TEAD3: variants seen among roughly 807,000 people sequenced by gnomAD.
TEAD3 encodes the protein transcriptional enhancer factor TEF-5.
A neutral mutation model predicts 55.6 loss-of-function variants in TEAD3; 15 were observed. The observed-to-expected ratio is 0.27, with a 90% CI of 0.18 to 0.42. The LOEUF is 0.42. Among genes scored for constraint, TEAD3 ranks in the 10% least tolerant of loss-of-function variants. TEAD3 has a pLI of 1.00. For missense variants in TEAD3, 407 were observed against 576.8 expected (o/e 0.71, Z 3.01); for synonymous variants, 210 against 232.2 (o/e 0.90, Z 0.87).
Position 35,475,993 on chromosome 6 carries a change from G to A in TEAD3, c.826C>T (p.Pro276Ser), listed in dbSNP as rs771039369. 10 of 1,564,612 alleles carry A rather than the reference G, an allele frequency of 6.4e-6. No individual in the cohort carries two copies. The highest frequency in any genetic ancestry group is 1.2e-5 in the South Asian group (1 of 83,704). Reference sequence around the variant, plus strand: ...TCCTTCAATCCTCCCTTTTTCTCGGGGAATTTGTCATAGATCTGGCGCACA... The same window carrying A: ...TCCTTCAATCCTCCCTTTTTCTCGGAGAATTTGTCATAGATCTGGCGCACA... The change falls in exon 10 of 13, where the codon CCC becomes TCC. Residue 276 changes from proline (P) to serine (S), a missense_variant. Pro to Ser is a moderately conservative substitution (Grantham distance 74). Transcript: ENST00000639578. The surrounding 1 kb of genome is among the most constrained non-coding windows in gnomAD (Gnocchi z 5.4).
rs534069773 is a variant in TEAD3, at chr6:35,493,381, C to A, written c.-50+3517G>T. Among the ~76,000 whole-genome samples the A allele has an allele frequency of 2.6e-5, 4 of 152,238 alleles. No homozygotes were observed. The South Asian group carries it at 8.3e-4, about 32-fold the overall frequency. ...CCCACAGAGCCTCCTACACGCCCTG[C>A]CTGGCACAGCCCTGGGGGTGTCACC... On this transcript the variant is annotated intron_variant, in intron 1 of 12. Coordinates refer to ENST00000639578, the Ensembl canonical transcript of TEAD3.
Position 35,490,550 on chromosome 6 carries a change from G to A in TEAD3, c.-49-3839C>T, listed in dbSNP as rs1344424618. On this transcript the variant is annotated intron_variant, in intron 1 of 12. Coordinates refer to ENST00000639578, the Ensembl canonical transcript of TEAD3. ...AGAGGGGCTGTGCGAGTGCTCGGGA[G>A]GACAACCACGTGAGAATGTGCACCC... is the stretch of plus-strand genomic sequence containing the variant. Among the ~76,000 whole-genome samples, 7 of 152,198 alleles carry A rather than the reference G, an allele frequency of 4.6e-5. No individual in the cohort carries two copies. The South Asian group carries it at 1.2e-3, about 27-fold the overall frequency.
chr6:35,479,249 T>C (rs1345916776), intron 5 of TEAD3, 56 bp downstream of exon 5: 30 of 1,597,530 alleles, frequency 1.9e-5, no homozygotes, highest in Admixed American at 3.3e-5. Flanking sequence ...GAAAATCCTG[T>C]ATTAGGTGTT....
exon 6 of TEAD3, chr6:35,478,468 G>A: frequency 6.2e-7 from 1 of 1,613,062 alleles, no homozygotes; most frequent in Non-Finnish European, 8.5e-7. Context: ...CTGGGGCAGA[G>A]GGGAAGGTGG....
rs1768120736 is a variant in TEAD3, at chr6:35,475,357, C to T, written c.1173G>A (p.Leu391=). The change falls in exon 12 of 13, where the codon CTG becomes CTA. Residue 391 remains leucine, a synonymous_variant. Coordinates refer to ENST00000639578, the Ensembl canonical transcript of TEAD3. The surrounding 1 kb of genome is among the most constrained non-coding windows in gnomAD (Gnocchi z 5.4). ...ATACCTGCAGGATGGTGAAGTTCTC[C>T]AGCACGCTGTTCATCATGTACTTCT... 1.2e-6 allele frequency: 2 copies of T among 1,613,990 alleles called. No individual in the cohort carries two copies. Among genetic ancestry groups the T allele is most frequent in the Admixed American group, 1.7e-5 (1 of 60,016 alleles).
chr6:35,478,957 G>A (rs542265280), intron 5 of TEAD3, among the ~76,000 whole-genome samples: 44 of 144,734 alleles, frequency 3.0e-4, no homozygotes, highest in East Asian at 2.2e-3. Flanking sequence ...TCGGCTCACT[G>A]CAAGCTCTGC....
Position 35,484,697 on chromosome 6 carries a change from C to A in TEAD3, c.203-73G>T, listed in dbSNP as rs375328072. Reference sequence around the variant, plus strand: ...CAGAGGCTGGAGGCCCCCACCCCACCGGGAAGCCACTCCAGGACCCTCCCC... The same window carrying A: ...CAGAGGCTGGAGGCCCCCACCCCACAGGGAAGCCACTCCAGGACCCTCCCC... On this transcript the variant is annotated intron_variant, in intron 2 of 12. Transcript: ENST00000639578. The surrounding 1 kb of genome is among the most constrained non-coding windows in gnomAD (Gnocchi z 5.8). 2 of 1,344,346 alleles carry A rather than the reference C, an allele frequency of 1.5e-6. No individual in the cohort carries two copies. The highest frequency in any genetic ancestry group is 3.9e-5 in the Admixed American group (2 of 50,718). The allele number at this position is 1,344,346 out of a possible 1,614,324, so 83.3% of individuals were successfully genotyped here. A position where few individuals can be genotyped will look rare whatever the true frequency, so the allele number is the denominator to read the frequency against.
chr6:35,474,313 C>T (rs1050979816), downstream of TEAD3: 2 of 152,946 alleles, frequency 1.3e-5, no homozygotes, highest in African/African-American at 4.8e-5. Context: ...AACCCAGCGC[C>T]CCTCGATGAG....
At position 35,475,477 on chromosome 6, in the gene TEAD3, G is replaced by A. The variant is rs1027197724; in HGVS notation, c.1053C>T (p.Ala351=). Residue 351 remains alanine, a synonymous_variant, in exon 12 of 13, where the codon GCC becomes GCT. Transcript: ENST00000639578. This position sits in a 1 kb window ranked among gnomAD's most constrained non-coding sequence, Gnocchi z 5.4. ...ACACAAAGCGCCCGTTCTCCAGCCT[G>A]GCATACTCAGTCTGCAGAGAATATG... is the stretch of plus-strand genomic sequence containing the variant. 6.2e-7 allele frequency: 1 copy of A among 1,612,534 alleles called. No homozygotes were observed. The highest frequency in any genetic ancestry group is 1.3e-5 in the African/African-American group (1 of 74,874).
intron 8 of TEAD3, among the ~76,000 whole-genome samples, chr6:35,476,719 T>C (rs138520831): frequency 6.2e-4 from 94 of 152,350 alleles, no homozygotes; most frequent in Middle Eastern, 3.4e-3. Flanking sequence ...AGAGAAAGTC[T>C]TGTTAAGATT....
In TEAD3 at chr6:35,477,222, C is replaced by T. The variant is rs58655225; in HGVS notation, c.592+89G>A. 2.4e-3 allele frequency: 3,479 copies of T among 1,426,418 alleles called. 55 individuals carry two copies. In the African/African-American group the frequency reaches 0.037, roughly 15 times the overall value. 88.4% of individuals were successfully genotyped at this position (1,426,418 alleles called of 1,614,324 possible). A position where few individuals can be genotyped will look rare whatever the true frequency, so the allele number is the denominator to read the frequency against. On this transcript the variant is annotated intron_variant, in intron 8 of 12. Transcript: ENST00000639578. ...TCCTGTAGATGTCGCAACCCCCTCC[C>T]TCCCAAAGCAAACACACACAGTTGG... is the stretch of plus-strand genomic sequence containing the variant.
chr6:35,482,816 TCTGA>T (rs1318933850), intron 3 of TEAD3, among the ~76,000 whole-genome samples: 10 of 152,238 alleles, frequency 6.6e-5, no homozygotes, highest in African/African-American at 1.9e-4. Context: ...CCGTTCCCAC[TCTGA>T]CTAACAGGTT....
rs751770647 is a variant in TEAD3 at position 35,486,439 on chromosome 6, G to A, written c.202+22C>T. ...GAGCAGGGGGAAGGGCCGCAGTCCCGCCCGCGCCCCCCGGCACGCACCGTA... is the reference window on the plus strand; with the variant it reads ...GAGCAGGGGGAAGGGCCGCAGTCCCACCCGCGCCCCCCGGCACGCACCGTA... On this transcript the variant is annotated intron_variant, in intron 2 of 12. Coordinates refer to ENST00000639578, the Ensembl canonical transcript of TEAD3. This position sits in a 1 kb window ranked among gnomAD's most constrained non-coding sequence, Gnocchi z 7.3. 1.9e-6 allele frequency: 3 copies of A among 1,600,010 alleles called. No individual in the cohort carries two copies. Among genetic ancestry groups the A allele is most frequent in the Non-Finnish European group, 2.6e-6 (3 of 1,170,700 alleles).
Position 35,496,005 on chromosome 6 carries a change from T to C in TEAD3, c.-50+893A>G, listed in dbSNP as rs1021545107. ...GATCAGGGCCCCTCACCAGGAAAGTTGACAGAGCGGGGTCTCAATGACACT... is the reference window on the plus strand; with the variant it reads ...GATCAGGGCCCCTCACCAGGAAAGTCGACAGAGCGGGGTCTCAATGACACT... On this transcript the variant is annotated intron_variant, in intron 1 of 12. Transcript: ENST00000639578. This position sits in a 1 kb window ranked among gnomAD's most constrained non-coding sequence, Gnocchi z 4.8. Among the ~76,000 whole-genome samples the C allele has an allele frequency of 2.0e-5, 3 of 152,260 alleles. No individual in the cohort carries two copies. The South Asian group carries it at 6.2e-4, about 32-fold the overall frequency.
intron 5 of TEAD3, 70 bp downstream of exon 5, chr6:35,479,235 A>G: frequency 6.3e-7 from 1 of 1,584,420 alleles, no homozygotes; most frequent in Non-Finnish European, 8.7e-7. Context: ...ATAATCTGTC[A>G]TTTGAAAATC....
chr6:35,490,395 C>T (rs1768486312), intron 1 of TEAD3, among the ~76,000 whole-genome samples: 1 of 152,122 alleles, frequency 6.6e-6, no homozygotes, highest in Non-Finnish European at 1.5e-5. Context: ...ATAGGACCAC[C>T]GTCCCTCCCT....
chr6:35,476,971 C>A (rs1355117871), intron 8 of TEAD3, among the ~76,000 whole-genome samples: 2 of 152,056 alleles, frequency 1.3e-5, no homozygotes, highest in Non-Finnish European at 2.9e-5. Flanking sequence ...TATAGCCATG[C>A]GCCACCACGC....
At chr6:35,487,953 G>A (rs1768421859) in intron 1 of TEAD3, among the ~76,000 whole-genome samples, 1 of 152,102 alleles carries the variant, frequency 6.6e-6, no homozygotes, top group Non-Finnish European at 1.5e-5. Flanking sequence ...CACATCCCCA[G>A]TCAGGGACCT....
chr6:35,487,721 C>CAA (rs34693697), intron 1 of TEAD3, among the ~76,000 whole-genome samples: 35 of 148,950 alleles, frequency 2.3e-4, no homozygotes, highest in African/African-American at 6.7e-4. Context: ...GACCTTGTCT[C>CAA]AAAAAAAAAC....
Sources: allele counts gnomAD v4.1 joint callset (sites outside exome capture counted in the v4.1 genomes callset), GRCh38; gene constraint gnomAD v4.1.1; non-coding constraint Gnocchi (gnomAD v3.1); transcripts MANE v1.5; gene names NCBI Gene and HGNC (gene_info 2026-07-23, HGNC 2026-07-21).